KIF15: variants seen among roughly 807,000 people sequenced by gnomAD.
The protein encoded by KIF15 is kinesin family member 15, also known as kinesin-like protein KIF15.
A neutral mutation model predicts 190.6 loss-of-function variants in KIF15; 140 were observed. That is an observed-to-expected ratio of 0.73 (90% CI 0.64 to 0.84). The LOEUF (loss-of-function observed/expected upper bound fraction) is 0.84, where lower values mean the gene tolerates loss of function less well. Ranked by LOEUF, KIF15 falls within the 40% of genes least tolerant of loss-of-function variation. KIF15 has a pLI of 0.00. For synonymous variants in KIF15, 528 were observed against 551.3 expected (o/e 0.96, Z 0.59); for missense variants, 1,372 against 1,584.4 (o/e 0.87, Z 2.28).
At chr3:44,827,107 C>T in intron 22 of KIF15, 1 of 443,896 alleles carries the variant, frequency 2.3e-6, no homozygotes, top group Non-Finnish European at 4.5e-6. Flanking sequence ...AGGCACTGAT[C>T]TGGTGAATTC....
At chr3:44,827,077 T>G (rs968251036) in intron 22 of KIF15, 3 of 456,478 alleles carry the variant, frequency 6.6e-6, no homozygotes, top group Non-Finnish European at 1.3e-5. Flanking sequence ...ATTCAAACAT[T>G]TATTGATATC....
rs1422118255 is a variant in KIF15 at position 44,801,904 on chromosome 3, G to T, written c.1439G>T (p.Gly480Val). Residue 480 changes from glycine to valine, a missense_variant, in exon 13 of 35, where the codon GGT (glycine) becomes GTT (valine). Coordinates refer to ENST00000326047, the MANE Select transcript of KIF15 (RefSeq NM_020242.3). Reference sequence around the variant, plus strand: ...AAGCTCCACAAGGAATCCCGGGGAGGTTTTCTGCCTGAGGAGCAGGATCGT... The same window carrying T: ...AAGCTCCACAAGGAATCCCGGGGAGTTTTTCTGCCTGAGGAGCAGGATCGT... The part of the protein sequence containing the change: ...LEKLHKESRG[G>V]FLPEEQDRLL... The T allele has an allele frequency of 6.2e-7, 1 of 1,613,958 alleles. No homozygotes were observed. Among genetic ancestry groups the T allele is most frequent in the Non-Finnish European group, 8.5e-7 (1 of 1,179,918 alleles).
chr3:44,862,036 TG>T, intron 6 of KIF15: 1 of 1,385,432 alleles, frequency 7.2e-7, no homozygotes, highest in African/African-American at 1.5e-5. Flanking sequence ...GCGCCGCTTT[TG>T]GGGCGTATTC....
chr3:44,763,029 G>A (rs558945441), intron 1 of KIF15, among the ~76,000 whole-genome samples: 3 of 152,280 alleles, frequency 2.0e-5, no homozygotes, highest in African/African-American at 7.2e-5. Flanking sequence ...TGAGATATAT[G>A]TATGTGACTG....
In KIF15 at chr3:44,781,010, A is replaced by G. The variant is rs938114889; in HGVS notation, c.361+88A>G. 4.1e-6 allele frequency: 4 copies of G among 969,220 alleles called. No homozygotes were observed. The African/African-American group carries it at 6.6e-5, about 16-fold the overall frequency. 60.0% of individuals were successfully genotyped at this position (969,220 alleles called of 1,614,324 possible). A position where few individuals can be genotyped will look rare whatever the true frequency, so the allele number is the denominator to read the frequency against. ...CATTTTGGGGAAAGGCATAATTTCTATATATGATGTTGATCTCTTGAAATT... is the reference window on the plus strand; with the variant it reads ...CATTTTGGGGAAAGGCATAATTTCTGTATATGATGTTGATCTCTTGAAATT... On this transcript the variant is annotated intron_variant, in intron 5 of 34. Transcript: ENST00000326047.
chr3:44,783,998 C>T (rs1706285571), intron 5 of KIF15, among the ~76,000 whole-genome samples: 1 of 152,126 alleles, frequency 6.6e-6, no homozygotes, highest in African/African-American at 2.4e-5. Flanking sequence ...AGAGACTCTG[C>T]ATTTTTCTGT....
intron 1 of KIF15, among the ~76,000 whole-genome samples, chr3:44,767,572 A>G (rs1453548911): frequency 6.6e-6 from 1 of 152,206 alleles, no homozygotes; most frequent in Non-Finnish European, 1.5e-5. Context: ...ATATCCAGTT[A>G]GAGATATCAA....
At chr3:44,842,002 T>A (rs1698633418) in intron 29 of KIF15, among the ~76,000 whole-genome samples, 1 of 152,244 alleles carries the variant, frequency 6.6e-6, no homozygotes, top group South Asian at 2.1e-4. Context: ...TCCTTAAACC[T>A]CACCTCATGG....
chr3:44,779,582 C>A (rs1706068265), intron 4 of KIF15, among the ~76,000 whole-genome samples: 1 of 152,116 alleles, frequency 6.6e-6, no homozygotes, highest in African/African-American at 2.4e-5. Context: ...CACCTGTAAT[C>A]CCAGCACTTT....
At chr3:44,766,900 T>C (rs1040530125) in intron 1 of KIF15, among the ~76,000 whole-genome samples, 8 of 142,126 alleles carry the variant, frequency 5.6e-5, no homozygotes, top group African/African-American at 2.1e-4. Flanking sequence ...AAGCTCCGCC[T>C]CCTGGGTTCA....
Position 44,794,330 on chromosome 3 carries a change from T to C in KIF15, c.753T>C (p.Asn251=). 6.2e-7 allele frequency: 1 copy of C among 1,613,948 alleles called. No individual in the cohort carries two copies. Among genetic ancestry groups the C allele is most frequent in the Non-Finnish European group, 8.5e-7 (1 of 1,179,926 alleles). ...TITIESMEKS[N]EIVNIRTSLL... is the part of the protein sequence containing the mutation. Reference sequence around the variant, plus strand: ...CAATAGAGTCAATGGAGAAAAGTAATGAGATTGTGAATATACGGACCTCCC... The same window carrying C: ...CAATAGAGTCAATGGAGAAAAGTAACGAGATTGTGAATATACGGACCTCCC... The change falls in exon 8 of 35, where the codon AAT becomes AAC. Residue 251 remains asparagine (N), a synonymous_variant. Transcript: ENST00000326047.
At chr3:44,832,351 A>AC (rs1437808164) in intron 26 of KIF15, among the ~76,000 whole-genome samples, 1 of 152,166 alleles carries the variant, frequency 6.6e-6, no homozygotes, top group East Asian at 1.9e-4. Flanking sequence ...TAGACATTGA[A>AC]CCCAGGCAGA....
At chr3:44,768,884 A>G (rs1183947820) in intron 1 of KIF15, among the ~76,000 whole-genome samples, 1 of 152,208 alleles carries the variant, frequency 6.6e-6, no homozygotes, top group African/African-American at 2.4e-5. Context: ...ATTAGAAAAC[A>G]TGTATCAAAA....
intron 1 of KIF15, among the ~76,000 whole-genome samples, chr3:44,769,777 A>C (rs1705566429): frequency 6.6e-6 from 1 of 152,156 alleles, no homozygotes; most frequent in Admixed American, 6.5e-5. Flanking sequence ...CTGAATGCTA[A>C]GGTGAAGCTG....
chr3:44,856,571 G>T (rs1204425676), downstream of KIF15, among the ~76,000 whole-genome samples: 2 of 152,212 alleles, frequency 1.3e-5, no homozygotes, highest in Non-Finnish European at 2.9e-5. Context: ...GGAAGTTTCA[G>T]TGGGAAAGTA....
intron 2 of KIF15, 115 bp from the exon 3 acceptor site, chr3:44,775,139 G>C (rs1048192222): frequency 3.6e-5 from 29 of 801,730 alleles, no homozygotes; most frequent in Non-Finnish European, 5.6e-5. Context: ...GATATGTCTT[G>C]GGCTTTGTTG....
intron 5 of KIF15, among the ~76,000 whole-genome samples, chr3:44,783,837 C>T (rs1458470169): frequency 6.6e-6 from 1 of 152,172 alleles, no homozygotes; most frequent in Admixed American, 6.5e-5. Context: ...GTCTCTAAGG[C>T]ATACTTCACC....
intron 29 of KIF15, among the ~76,000 whole-genome samples, chr3:44,842,557 G>T (rs1360121471): frequency 6.6e-6 from 1 of 152,194 alleles, no homozygotes; most frequent in African/African-American, 2.4e-5. Flanking sequence ...ATTTAGGGCA[G>T]TTCTCAGTAT....
chr3:44,803,040 TA>T, intron 14 of KIF15, 49 bp downstream of exon 14: 1 of 1,517,274 alleles, frequency 6.6e-7, no homozygotes. Flanking sequence ...GGGGCTGTTT[TA>T]AAGAGCATTT....
Sources: gnomAD v4.1 joint callset for allele counts (sites outside exome capture counted in the v4.1 genomes callset) on GRCh38, gnomAD v4.1.1 for gene constraint, MANE v1.5 for transcripts, NCBI Gene and HGNC (gene_info 2026-07-23, HGNC 2026-07-21) for gene names.